OR9Q1: variants seen among roughly 807,000 people sequenced by gnomAD.
The protein encoded by OR9Q1 is olfactory receptor family 9 subfamily Q member 1, also known as olfactory receptor 9Q1.
For missense variants in OR9Q1, 374 were observed against 378.8 expected, an observed-to-expected ratio of 0.99 and a Z score of 0.11; for synonymous variants, 153 against 148.6, an observed-to-expected ratio of 1.03 and a Z score of -0.22.
intron 2 of OR9Q1, among the ~76,000 whole-genome samples, chr11:58,073,873 A>G (rs1280296367): frequency 6.6e-6 from 1 of 152,106 alleles, no homozygotes; most frequent in Non-Finnish European, 1.5e-5. Context: ...TCATTGTTCA[A>G]CACCTACTTA....
chr11:58,155,918 CCT>C (rs1565092462), intron 2 of OR9Q1, among the ~76,000 whole-genome samples: 9 of 140,422 alleles, frequency 6.4e-5, no homozygotes, highest in African/African-American at 5.4e-5. Context: ...TCTTTTCCTT[CCT>C]TTTTTTTTTT....
chr11:58,107,600 G>T (rs1031488334), intron 2 of OR9Q1, among the ~76,000 whole-genome samples: 2 of 152,272 alleles, frequency 1.3e-5, no homozygotes, highest in East Asian at 1.9e-4. Flanking sequence ...ATGGTAGCAT[G>T]ATTTGTAATC....
At chr11:58,126,073 G>T (rs942525106) in intron 2 of OR9Q1, among the ~76,000 whole-genome samples, 6 of 152,090 alleles carry the variant, frequency 3.9e-5, no homozygotes, top group Non-Finnish European at 8.8e-5. Flanking sequence ...AGTCTGGTGT[G>T]GTCTAAACAT....
intron 1 of OR9Q1, among the ~76,000 whole-genome samples, chr11:58,054,741 T>G (rs967887025): frequency 5.3e-5 from 8 of 152,018 alleles, no homozygotes; most frequent in Admixed American, 3.9e-4. Context: ...CTGGGCAACA[T>G]GGTAAAACCC....
At chr11:58,160,815 C>T (rs2514213) in intron 2 of OR9Q1, among the ~76,000 whole-genome samples, 24,959 of 151,978 alleles carry the variant, frequency 0.16, 2,191 homozygotes, top group Admixed American at 0.2. Context: ...AGCAAGTTCA[C>T]GCCCACCATA....
chr11:58,090,678 C>A (rs1038857000), intron 2 of OR9Q1, among the ~76,000 whole-genome samples: 2 of 151,970 alleles, frequency 1.3e-5, no homozygotes, highest in African/African-American at 4.8e-5. Context: ...GGGAGGAGTC[C>A]CTGTTTTTCT....
At chr11:58,152,305 A>G (rs1854361056) in intron 2 of OR9Q1, among the ~76,000 whole-genome samples, 1 of 152,212 alleles carries the variant, frequency 6.6e-6, no homozygotes, top group Non-Finnish European at 1.5e-5. Context: ...ATATTAGTAT[A>G]TATTTATGAA....
chr11:58,104,680 T>A (rs1447520336), intron 2 of OR9Q1, among the ~76,000 whole-genome samples: 2 of 152,184 alleles, frequency 1.3e-5, no homozygotes, highest in African/African-American at 4.8e-5. Flanking sequence ...TTTGATGGGC[T>A]CCTTTTAGTG....
At chr11:58,085,207 T>G (rs1046863213) in intron 2 of OR9Q1, among the ~76,000 whole-genome samples, 2 of 151,874 alleles carry the variant, frequency 1.3e-5, no homozygotes, top group Non-Finnish European at 2.9e-5. Context: ...GAATAACACA[T>G]TTTTCTATAT....
At chr11:58,057,561 G>A (rs1853340258) in intron 2 of OR9Q1, 1 of 152,226 alleles carries the variant, frequency 6.6e-6, no homozygotes, top group Non-Finnish European at 1.5e-5. Context: ...AAGAATGGGT[G>A]TCTGTGCTGG....
chr11:58,026,667 G>A (rs1466893433), intron 1 of OR9Q1: 4 of 85,712 alleles, frequency 4.7e-5, no homozygotes, highest in African/African-American at 1.9e-4. Context: ...GGGCAACAAA[G>A]CAAGACTCTG....
At chr11:58,030,948 C>G in intron 1 of OR9Q1, 2 of 1,591,172 alleles carry the variant, frequency 1.3e-6, no homozygotes, top group Admixed American at 3.3e-5. Flanking sequence ...CTCTCACTGC[C>G]ACATATGCAA....
At chr11:58,053,142 A>C (rs1326598388) in intron 1 of OR9Q1, among the ~76,000 whole-genome samples, 10 of 151,770 alleles carry the variant, frequency 6.6e-5, no homozygotes, top group African/African-American at 2.4e-4. Flanking sequence ...ATAAAGACAC[A>C]TGCACACGTA....
intron 2 of OR9Q1, among the ~76,000 whole-genome samples, chr11:58,093,146 G>T (rs1853699758): frequency 1.3e-5 from 2 of 152,046 alleles, no homozygotes; most frequent in Admixed American, 1.3e-4. Context: ...TCAAAATTAT[G>T]CATACCACAC....
chr11:58,031,439 C>T (rs1853036252), intron 1 of OR9Q1: 2 of 1,614,154 alleles, frequency 1.2e-6, no homozygotes, highest in Non-Finnish European at 1.7e-6. Context: ...ACCCATCTTG[C>T]CAATCTACCT....
chr11:58,112,856 G>A (rs971345900), intron 2 of OR9Q1, among the ~76,000 whole-genome samples: 1 of 152,170 alleles, frequency 6.6e-6, no homozygotes, highest in Non-Finnish European at 1.5e-5. Flanking sequence ...CACTCATTGT[G>A]CACATGGCTG....
At chr11:58,077,092 A>C (rs924844567) in intron 2 of OR9Q1, among the ~76,000 whole-genome samples, 1 of 152,186 alleles carries the variant, frequency 6.6e-6, no homozygotes, top group Non-Finnish European at 1.5e-5. Flanking sequence ...GGACAAGATG[A>C]CTTTAAAAGT....
chr11:58,138,801 A>G (rs565108541), intron 2 of OR9Q1, among the ~76,000 whole-genome samples: 10 of 152,194 alleles, frequency 6.6e-5, no homozygotes, highest in Non-Finnish European at 1.5e-4. Flanking sequence ...TGTACTCTTA[A>G]CAATTTTGAA....
chr11:58,119,810 C>T (rs11229259), intron 2 of OR9Q1, among the ~76,000 whole-genome samples: 33,348 of 143,894 alleles, frequency 0.23, 4,804 homozygotes, highest in East Asian at 0.58. Flanking sequence ...ACTCAGTTGC[C>T]GTATGAGCCT....
Sources: allele counts gnomAD v4.1 joint callset (sites outside exome capture counted in the v4.1 genomes callset), GRCh38; gene constraint gnomAD v4.1.1; transcripts MANE v1.5; gene names NCBI Gene and HGNC (gene_info 2026-07-23, HGNC 2026-07-21).